Variants in NHS observed in about 807,000 individuals in gnomAD.
NHS encodes the protein NHS actin remodeling regulator.
In NHS, 5 loss-of-function variants were observed where a neutral mutation model predicts 72.5. The ratio of observed to expected loss-of-function variants is 0.07; its 90% CI spans 0.04 to 0.14. The LOEUF is 0.14. Among genes scored for constraint, NHS ranks in the 10% least tolerant of loss-of-function variants. The pLI is 1.00. For missense variants in NHS, 1,072 were observed against 1,355.7 expected, an observed-to-expected ratio of 0.79 and a Z score of 3.29; for synonymous variants, 464 against 547.7, an observed-to-expected ratio of 0.85 and a Z score of 2.13.
rs2065840930 is a variant in NHS, at chrX:17,635,445, C to T, written c.566-52297C>T. 11 of 1,163,599 alleles carry T rather than the reference C, an allele frequency of 9.5e-6. No homozygotes were observed. In the South Asian group the frequency reaches 1.5e-4, roughly 16 times the overall value. The stretch of plus-strand genomic sequence containing the variant: ...CTTGCAGAAGGTTGCCCTCTCTCGC[C>T]CTCCATCCCCCCCGCCGTGCTTGCT... On this transcript the variant is annotated intron_variant, in intron 1 of 8. Transcript: ENST00000676302.
At chrX:17,509,732 G>A (rs1384361147) in intron 1 of NHS, among the ~76,000 whole-genome samples, 27 of 112,045 alleles carry the variant, frequency 2.4e-4, no homozygotes, top group African/African-American at 8.8e-4. Flanking sequence ...ACAATCCAGG[G>A]CCTATACTGG....
intron 1 of NHS, among the ~76,000 whole-genome samples, chrX:17,661,525 C>T (rs978421114): frequency 1.8e-5 from 2 of 111,301 alleles, no homozygotes; most frequent in African/African-American, 6.6e-5. Flanking sequence ...TCACACATTC[C>T]GAGGGGATTC....
At chrX:17,470,934 T>TG (rs1049773488) in intron 1 of NHS, among the ~76,000 whole-genome samples, 82 of 111,144 alleles carry the variant, frequency 7.4e-4, no homozygotes, top group African/African-American at 2.6e-3. Context: ...GGGATGGCAG[T>TG]GGGGGGGTGT....
chrX:17,417,859 A>C (rs1363072221), intron 1 of NHS, among the ~76,000 whole-genome samples: 1 of 111,898 alleles, frequency 8.9e-6, no homozygotes, highest in Non-Finnish European at 1.9e-5. Context: ...GAAATAAAAG[A>C]CCACGGATTT....
intron 1 of NHS, among the ~76,000 whole-genome samples, chrX:17,470,996 T>C (rs1224162574): frequency 8.9e-6 from 1 of 111,812 alleles, no homozygotes; most frequent in Non-Finnish European, 1.9e-5. Context: ...AATGAGTGAA[T>C]GAAAGAAACT....
chrX:17,696,657 C>A (rs766812224), intron 3 of NHS, among the ~76,000 whole-genome samples: 26 of 111,763 alleles, frequency 2.3e-4, no homozygotes, highest in African/African-American at 8.1e-4. Context: ...TGGAAAGTAG[C>A]CTGTTTGAGG....
intron 1 of NHS, among the ~76,000 whole-genome samples, chrX:17,489,939 T>A (rs1462848461): frequency 1.8e-5 from 2 of 112,506 alleles, no homozygotes; most frequent in African/African-American, 6.5e-5. Context: ...TTGAGAAGTG[T>A]CTGTACATAT....
intron 1 of NHS, among the ~76,000 whole-genome samples, chrX:17,503,695 C>T (rs755809910): frequency 8.9e-6 from 1 of 111,969 alleles, no homozygotes; most frequent in Non-Finnish European, 1.9e-5. Flanking sequence ...AAATGTATAA[C>T]TTCTGAATTC....
At chrX:17,633,720 T>C (rs1048968420) in intron 1 of NHS, among the ~76,000 whole-genome samples, 8 of 111,941 alleles carry the variant, frequency 7.1e-5, no homozygotes, top group African/African-American at 2.6e-4. Flanking sequence ...CCTTTTCAGC[T>C]TGGGGTCACT....
chrX:17,539,354 G>A (rs777686031), intron 1 of NHS, among the ~76,000 whole-genome samples: 10 of 109,518 alleles, frequency 9.1e-5, no homozygotes, highest in Non-Finnish European at 1.3e-4. Context: ...AATGCTCTGC[G>A]ACATAGCATA....
chrX:17,650,922 T>A (rs4825280), intron 1 of NHS, among the ~76,000 whole-genome samples: 18,787 of 111,452 alleles, frequency 0.17, 2,654 homozygotes, highest in African/African-American at 0.45. Context: ...AGAACTGGAA[T>A]CTGTATCGTG....
intron 3 of NHS, among the ~76,000 whole-genome samples, chrX:17,718,002 C>T (rs774486918): frequency 8.9e-6 from 1 of 112,026 alleles, no homozygotes; most frequent in African/African-American, 3.2e-5. Flanking sequence ...AGATATTTCA[C>T]AGCTACAAGG....
At chrX:17,657,757 C>T (rs1358428806) in intron 1 of NHS, among the ~76,000 whole-genome samples, 4 of 112,879 alleles carry the variant, frequency 3.5e-5, no homozygotes, top group Non-Finnish European at 5.6e-5. Flanking sequence ...GGCTTTACAT[C>T]CCCTGGTTGG....
chrX:17,602,834 ATTTTTTT>A (rs34067989), intron 1 of NHS, among the ~76,000 whole-genome samples: 2 of 83,300 alleles, frequency 2.4e-5, no homozygotes, highest in East Asian at 3.5e-4. Context: ...CACAACTACA[ATTTTTTT>A]TTTTTTTTTT....
chrX:17,592,313 T>C (rs749134727), intron 1 of NHS, among the ~76,000 whole-genome samples: 1 of 112,073 alleles, frequency 8.9e-6, no homozygotes, highest in South Asian at 3.8e-4. Context: ...ACTTTGTTTG[T>C]AGAATATTGT....
rs2064996719 is a variant in NHS, at chrX:17,492,604, T to C, written c.565+116282T>C. Among the ~76,000 whole-genome samples, 3 of 112,444 alleles carry C rather than the reference T, an allele frequency of 2.7e-5. No homozygotes were observed. The South Asian group carries it at 1.1e-3, about 42-fold the overall frequency. On this transcript the variant is annotated intron_variant, in intron 1 of 8. Coordinates refer to ENST00000676302, the MANE Select transcript of NHS (RefSeq NM_001291867.2). ...GAAATGTGTTGCTGAGAAGAATTTA[T>C]ATTCTGTTGATTTAGGGTGGAGAGT... is the stretch of plus-strand genomic sequence containing the variant.
At chrX:17,402,308 A>G (rs1436680612) in intron 1 of NHS, among the ~76,000 whole-genome samples, 1 of 112,040 alleles carries the variant, frequency 8.9e-6, no homozygotes, top group Non-Finnish European at 1.9e-5. Context: ...ACTCCTAAAT[A>G]TATATACAAG....
At chrX:17,702,968 C>T (rs938188737) in intron 3 of NHS, among the ~76,000 whole-genome samples, 1 of 110,822 alleles carries the variant, frequency 9.0e-6, no homozygotes, top group Non-Finnish European at 1.9e-5. Flanking sequence ...TAGCCATTCC[C>T]TTCCTGAATA....
In NHS at chrX:17,687,723, CCT is replaced by C. The variant is rs769730155; in HGVS notation, c.566-18_566-17del. ...ACTTAAAGCCACTGATGGACAACGC[CCT>C]GTTTCTTGTCTTGCAGCCGTCTCCA... is the stretch of plus-strand genomic sequence containing the variant. On this transcript the variant is annotated splice_polypyrimidine_tract_variant and intron_variant, in intron 1 of 8. Coordinates refer to ENST00000676302, the MANE Select transcript of NHS (RefSeq NM_001291867.2). 2 of 1,098,011 alleles carry C rather than the reference CCT, an allele frequency of 1.8e-6. No homozygotes were observed. The highest frequency in any genetic ancestry group is 2.8e-5 in the Admixed American group (1 of 35,210). The allele number at this position is 1,098,011 out of a possible 1,213,427, so 90.5% of individuals were successfully genotyped here.
Sources: gnomAD v4.1 joint callset for allele counts (sites outside exome capture counted in the v4.1 genomes callset) on GRCh38, gnomAD v4.1.1 for gene constraint, MANE v1.5 for transcripts, NCBI Gene and HGNC (gene_info 2026-07-23, HGNC 2026-07-21) for gene names.